Variants in MAST1 observed in about 807,000 individuals in gnomAD.
The protein encoded by MAST1 is microtubule-associated serine/threonine-protein kinase 1.
A neutral mutation model predicts 124.6 loss-of-function variants in MAST1; 40 were observed. That is an observed-to-expected ratio of 0.32 (90% CI 0.25 to 0.42). MAST1 has a LOEUF of 0.42. MAST1 is among the 10% of genes least tolerant of loss of function. The pLI is 1.00. For missense variants in MAST1, 1,558 were observed against 2,181.9 expected (o/e 0.71, Z 5.70); for synonymous variants, 938 against 939.4 (o/e 1.00, Z 0.03).
In MAST1 at chr19:12,868,784, C is replaced by T; in HGVS notation, c.2708C>T (p.Ser903Phe). 3 of 1,609,520 alleles carry T rather than the reference C, an allele frequency of 1.9e-6. No individual in the cohort carries two copies. Among genetic ancestry groups the T allele is most frequent in the Non-Finnish European group, 2.5e-6 (3 of 1,177,506 alleles). Residue 903 changes from serine to phenylalanine, a missense_variant, in exon 21 of 26, where the codon TCT (serine) becomes TTT (phenylalanine). Transcript: ENST00000251472. ...SGDVAVEKRP[S>F]RTGGKVIKSA... ...GATGTGGCAGTAGAGAAGAGGCCTT[C>T]TCGAACTGGGGGCAAAGTCATCAAA...
chr19:12,867,766 G>A lies in MAST1; in HGVS notation c.2355G>A (p.Glu785=), dbSNP rs763310638. ...RFSASEASFL[E]GEASPPLGAR... is the part of the protein sequence containing the mutation. ...CCGCGTCCGAGGCCAGTTTCCTGGA[G>A]GGAGAGGCCAGTCCCCCTTTGGGCG... Residue 785 remains glutamate (E), a synonymous_variant, in exon 20 of 26, where the codon GAG becomes GAA. Coordinates refer to ENST00000251472, the MANE Select transcript of MAST1 (RefSeq NM_014975.3). 5 of 1,547,670 alleles carry A rather than the reference G, an allele frequency of 3.2e-6. No homozygotes were observed. Among genetic ancestry groups the A allele is most frequent in the South Asian group, 1.2e-5 (1 of 85,326 alleles).
rs1196704164 is a variant in MAST1, at chr19:12,847,890, G to A, written c.607G>A (p.Ala203Thr). ...GGAGAAGCTGCGCGACTTTACCCGC[G>A]CCTACGAACCCGACAGCGTTCTGCC... ...MEEKLRDFTR[A>T]YEPDSVLPLA... The change falls in exon 7 of 26, where the codon GCC becomes ACC. Residue 203 changes from alanine to threonine, a missense_variant. Coordinates refer to ENST00000251472, the MANE Select transcript of MAST1 (RefSeq NM_014975.3). The surrounding 1 kb of genome is among the most constrained non-coding windows in gnomAD (Gnocchi z 5.5). The A allele has an allele frequency of 1.2e-6, 2 of 1,613,538 alleles. No homozygotes were observed. Among genetic ancestry groups the A allele is most frequent in the African/African-American group, 2.7e-5 (2 of 75,050 alleles).
At chr19:12,844,676 G>T (rs527245950) in intron 4 of MAST1, among the ~76,000 whole-genome samples, 50 of 152,264 alleles carry the variant, frequency 3.3e-4, no homozygotes, top group African/African-American at 1.2e-3. Flanking sequence ...AACCTCTAGA[G>T]GCCACAGAAC....
Position 12,874,032 on chromosome 19 carries a change from C to G in MAST1, c.3875C>G (p.Pro1292Arg). 6.2e-7 allele frequency: 1 copy of G among 1,605,418 alleles called. No homozygotes were observed. Among genetic ancestry groups the G allele is most frequent in the East Asian group, 2.2e-5 (1 of 44,698 alleles). Residue 1292 changes from proline to arginine, a missense_variant, in exon 26 of 26, where the codon CCG becomes CGG. Physicochemically the swap from Pro to Arg is moderately radical, Grantham distance 103. This residue lies in a region of MAST1 where 263 missense variants were observed against 310.9 expected (regional missense o/e 0.85). Transcript: ENST00000251472. This position sits in a 1 kb window ranked among gnomAD's most constrained non-coding sequence, Gnocchi z 6.6. ...LRKHSLEVGH[P>R]DFRKDFHGEL... Reference sequence around the variant, plus strand: ...AAACACAGCCTCGAGGTGGGCCACCCGGATTTCCGCAAGGACTTCCATGGC... The same window carrying G: ...AAACACAGCCTCGAGGTGGGCCACCGGGATTTCCGCAAGGACTTCCATGGC...
At position 12,867,793 on chromosome 19, in the gene MAST1, C is replaced by A; in HGVS notation, c.2382C>A (p.Ala794=). The A allele has an allele frequency of 1.3e-6, 2 of 1,568,494 alleles. No homozygotes were observed. The highest frequency in any genetic ancestry group is 1.7e-6 in the Non-Finnish European group (2 of 1,158,794). The change falls in exon 20 of 26, where the codon GCC becomes GCA. Residue 794 remains alanine (A), a synonymous_variant. Coordinates refer to ENST00000251472, the MANE Select transcript of MAST1 (RefSeq NM_014975.3). ...GAGAGGCCAGTCCCCCTTTGGGCGC[C>A]CGCCGCCGTTTCTCGGCGCTGCTGG... The part of the protein sequence containing the change: ...LEGEASPPLG[A]RRRFSALLEP...
intron 10 of MAST1, among the ~76,000 whole-genome samples, chr19:12,854,981 A>G (rs1055498343): frequency 1.3e-5 from 2 of 152,206 alleles, no homozygotes; most frequent in African/African-American, 4.8e-5. Flanking sequence ...CTGTAATCCC[A>G]GCACTTTGAG....
chr19:12,858,668 C>G lies in MAST1; in HGVS notation c.1295C>G (p.Pro432Arg). The change falls in exon 12 of 26, where the codon CCG (proline) becomes CGG (arginine). Residue 432 changes from proline to arginine, a missense_variant. Pro to Arg is a moderately radical substitution (Grantham distance 103, BLOSUM62 -2). This residue lies in a region of MAST1 where 145 missense variants were observed against 350.0 expected (regional missense o/e 0.41). Coordinates refer to ENST00000251472, the MANE Select transcript of MAST1 (RefSeq NM_014975.3). Reference protein sequence around the residue: ...ERDILTFAENPFVVGMFCSFE... With the variant: ...ERDILTFAENRFVVGMFCSFE... ...GATATCCTCACCTTCGCCGAGAACC[C>G]GTTTGTGGTCGGCATGTTCTGCTCC... 1 of 1,614,222 alleles carries G rather than the reference C, an allele frequency of 6.2e-7. No homozygotes were observed. Among genetic ancestry groups the G allele is most frequent in the Non-Finnish European group, 8.5e-7 (1 of 1,180,034 alleles).
intron 24 of MAST1, 169 bp from the exon 25 acceptor site, chr19:12,873,154 GC>G: frequency 1.6e-6 from 1 of 642,888 alleles, no homozygotes; most frequent in East Asian, 2.8e-5. Context: ...AGTGGGAGGA[GC>G]CAAGCAGCAC....
chr19:12,840,786 G>A (rs1454689086), intron 2 of MAST1, among the ~76,000 whole-genome samples: 1 of 151,802 alleles, frequency 6.6e-6, no homozygotes, highest in African/African-American at 2.4e-5. Flanking sequence ...GAGGGGCGGG[G>A]CCATCCCAGA....
At chr19:12,850,440 C>T (rs1388904811) in intron 7 of MAST1, among the ~76,000 whole-genome samples, 1 of 152,066 alleles carries the variant, frequency 6.6e-6, no homozygotes, top group Non-Finnish European at 1.5e-5. Flanking sequence ...ATTTCTTCCC[C>T]CAGAACATTA....
chr19:12,865,957 G>A lies in MAST1; in HGVS notation c.1907-23G>A, dbSNP rs1442913270. On this transcript the variant is annotated intron_variant, in intron 16 of 25. Coordinates refer to ENST00000251472, the MANE Select transcript of MAST1 (RefSeq NM_014975.3). This position sits in a 1 kb window ranked among gnomAD's most constrained non-coding sequence, Gnocchi z 7.1. Reference sequence around the variant, plus strand: ...GGCTGCTGGGTTGGCCATCAGCTGTGGCTGGAATCCCTTCCGTCCCAGGCG... The same window carrying A: ...GGCTGCTGGGTTGGCCATCAGCTGTAGCTGGAATCCCTTCCGTCCCAGGCG... 1.2e-6 allele frequency: 2 copies of A among 1,613,256 alleles called. No homozygotes were observed. The highest frequency in any genetic ancestry group is 2.7e-5 in the African/African-American group (2 of 74,774).
At chr19:12,851,760 A>T (rs1266613845) in intron 7 of MAST1, among the ~76,000 whole-genome samples, 174 bp from the exon 8 acceptor site, 1 of 152,182 alleles carries the variant, frequency 6.6e-6, no homozygotes, top group African/African-American at 2.4e-5. Context: ...TGCTGGGATT[A>T]CAGGCATGAG....
chr19:12,855,506 A>G (rs1970007665), intron 10 of MAST1, among the ~76,000 whole-genome samples: 1 of 152,142 alleles, frequency 6.6e-6, no homozygotes, highest in South Asian at 2.1e-4. Flanking sequence ...CTGTGGTGGA[A>G]CCAGCTGAGT....
At chr19:12,860,450 T>C (rs533312511) in intron 12 of MAST1, among the ~76,000 whole-genome samples, 8 of 144,872 alleles carry the variant, frequency 5.5e-5, no homozygotes, top group Admixed American at 6.9e-5. Flanking sequence ...TTCTTTCTTT[T>C]TTTTTTTTTT....
At position 12,847,188 on chromosome 19, in the gene MAST1, C is replaced by A. The variant is rs1334622799; in HGVS notation, c.328-102C>A. The A allele has an allele frequency of 5.4e-6, 4 of 741,406 alleles. No individual in the cohort carries two copies. Among genetic ancestry groups the A allele is most frequent in the African/African-American group, 1.8e-5 (1 of 56,970 alleles). The allele number at this position is 741,406 out of a possible 1,614,324, so 45.9% of individuals were successfully genotyped here. ...ATCGTAAATCAGGTCCTGATCCTGGCCTTGCCCAGTGACCCCATCGGCTTT... is the reference window on the plus strand; with the variant it reads ...ATCGTAAATCAGGTCCTGATCCTGGACTTGCCCAGTGACCCCATCGGCTTT... On this transcript the variant is annotated intron_variant, in intron 4 of 25. Transcript: ENST00000251472. The surrounding 1 kb of genome is among the most constrained non-coding windows in gnomAD (Gnocchi z 5.5).
At chr19:12,864,732 G>T in intron 12 of MAST1, 77 bp from the exon 13 acceptor site, 1 of 1,572,494 alleles carries the variant, frequency 6.4e-7, no homozygotes, top group South Asian at 1.1e-5. Context: ...AACATAACAT[G>T]AGAAGTTGGT....
intron 24 of MAST1, among the ~76,000 whole-genome samples, 184 bp downstream of exon 24, chr19:12,871,356 C>T (rs1033040188): frequency 6.6e-6 from 1 of 152,148 alleles, no homozygotes; most frequent in Non-Finnish European, 1.5e-5. Flanking sequence ...CGCCTGTAAC[C>T]CCAGCACTTT....
chr19:12,857,603 G>A (rs967066594), intron 10 of MAST1, among the ~76,000 whole-genome samples: 1 of 151,694 alleles, frequency 6.6e-6, no homozygotes, highest in Non-Finnish European at 1.5e-5. Flanking sequence ...CAGTAGAGAT[G>A]GGGTTTCACA....
Position 12,841,090 on chromosome 19 carries a change from C to G in MAST1, c.248+24C>G, listed in dbSNP as rs781524988. On this transcript the variant is annotated intron_variant, in intron 3 of 25. Coordinates refer to ENST00000251472, the MANE Select transcript of MAST1 (RefSeq NM_014975.3). The surrounding 1 kb of genome is among the most constrained non-coding windows in gnomAD (Gnocchi z 4.3). The stretch of plus-strand genomic sequence containing the variant: ...AGGTGAGTCCCTCCCCTCCAGGGCC[C>G]CAGAACCCTGGGCAGACCCTCCCCA... 1 of 1,261,394 alleles carries G rather than the reference C, an allele frequency of 7.9e-7. No homozygotes were observed. The allele number at this position is 1,261,394 out of a possible 1,614,324, so 78.1% of individuals were successfully genotyped here. A position where few individuals can be genotyped will look rare whatever the true frequency, so the allele number is the denominator to read the frequency against.
Sources: gnomAD v4.1 joint callset for allele counts (sites outside exome capture counted in the v4.1 genomes callset) on GRCh38, gnomAD v4.1.1 for gene constraint, gnomAD v4.1.1 regional missense constraint, Gnocchi (gnomAD v3.1) non-coding constraint, MANE v1.5 for transcripts, NCBI Gene and HGNC (gene_info 2026-07-23, HGNC 2026-07-21) for gene names.